DAB2: variants seen among roughly 807,000 people sequenced by gnomAD.
DAB2 encodes DAB adaptor protein 2.
DAB2 carries 28 observed loss-of-function variants against 71.6 expected under a neutral mutation model. That is an observed-to-expected ratio of 0.39 (90% CI 0.29 to 0.54). DAB2 has a LOEUF of 0.54. DAB2 is among the 20% of genes least tolerant of loss of function. DAB2 has a pLI of 0.68. For synonymous variants in DAB2, 345 were observed against 339.7 expected, an observed-to-expected ratio of 1.02 and a Z score of -0.17; for missense variants, 867 against 928.8, an observed-to-expected ratio of 0.93 and a Z score of 0.86.
Position 39,376,981 on chromosome 5 carries a change from A to C in DAB2, c.1806T>G (p.Pro602=). Residue 602 remains proline, a synonymous_variant, in exon 12 of 15, where the codon CCT becomes CCG. Coordinates refer to ENST00000320816, the MANE Select transcript of DAB2 (RefSeq NM_001343.4). ...NPFQSNIFPA[P]AVSTQPPSMH... is the part of the protein sequence containing the mutation. ...TGGATGGGGGCTGAGTGGACACAGC[A>C]GGAGCTGGAAAAATATTGCTCTGAA... 1 of 1,614,106 alleles carries C rather than the reference A, an allele frequency of 6.2e-7. No individual in the cohort carries two copies.
At chr5:39,400,577 A>G (rs2112078252) in intron 1 of DAB2, among the ~76,000 whole-genome samples, 1 of 152,312 alleles carries the variant, frequency 6.6e-6, no homozygotes, top group Non-Finnish European at 1.5e-5. Context: ...ACAGCAACAG[A>G]AAATCAATCC....
intron 9 of DAB2, among the ~76,000 whole-genome samples, chr5:39,384,232 G>A (rs889696967): frequency 2.6e-5 from 4 of 152,170 alleles, no homozygotes; most frequent in Non-Finnish European, 5.9e-5. Context: ...GGCCCACAGT[G>A]GATGTCTGAA....
chr5:39,383,855 C>T (rs191554653), intron 9 of DAB2, among the ~76,000 whole-genome samples: 97 of 152,256 alleles, frequency 6.4e-4, no homozygotes, highest in African/African-American at 2.2e-3. Context: ...TCCCTAAAAT[C>T]GGTCCAGTTC....
chr5:39,392,191 T>C, intron 4 of DAB2, 174 bp downstream of exon 4: 1 of 625,962 alleles, frequency 1.6e-6, no homozygotes, highest in Non-Finnish European at 2.9e-6. Flanking sequence ...AAATCAAGTA[T>C]CTTGACTTTT....
chr5:39,410,770 T>C (rs530293154), intron 1 of DAB2, among the ~76,000 whole-genome samples: 1 of 151,148 alleles, frequency 6.6e-6, no homozygotes, highest in African/African-American at 2.4e-5. Context: ...GTTTGGTTTA[T>C]GTTAATGTTG....
chr5:39,382,765 A>T lies in DAB2; in HGVS notation c.1194T>A (p.Phe398Leu). 6.2e-7 allele frequency: 1 copy of T among 1,614,170 alleles called. No homozygotes were observed. The highest frequency in any genetic ancestry group is 8.5e-7 in the Non-Finnish European group (1 of 1,180,028). Residue 398 changes from phenylalanine to leucine, a missense_variant, in exon 10 of 15, where the codon TTT becomes TTA. By Grantham distance (22) the Phe-to-Leu change is conservative. This residue lies in a region of DAB2 where 740 missense variants were observed against 734.3 expected (regional missense o/e 1.01). Transcript: ENST00000320816. ...GFSVKSSPNP[F>L]VGSPPKGLSI... ...ACAGTCCTTTGGGAGGGCTTCCCACAAAAGGGTTCGGGGAGGATTTGACAG... is the reference window on the plus strand; with the variant it reads ...ACAGTCCTTTGGGAGGGCTTCCCACTAAAGGGTTCGGGGAGGATTTGACAG...
Position 39,373,215 on chromosome 5 carries a change from T to C in DAB2, c.*216A>G, listed in dbSNP as rs928927261. The C allele has an allele frequency of 1.3e-5, 2 of 152,406 alleles. No homozygotes were observed. Among genetic ancestry groups the C allele is most frequent in the Admixed American group, 1.3e-4 (2 of 15,250 alleles). 9.4% of individuals were successfully genotyped at this position (152,406 alleles called of 1,614,324 possible). A position where few individuals can be genotyped will look rare whatever the true frequency, so the allele number is the denominator to read the frequency against. ...TAAGCTAGAGAGTTTAGGATCTTAA[T>C]TTATTTAAAGCCATAGATTCAGTTT... On this transcript the variant is annotated 3_prime_UTR_variant, in exon 15 of 15. Transcript: ENST00000320816.
chr5:39,383,072 C>G lies in DAB2; in HGVS notation c.887G>C (p.Arg296Pro). The G allele has an allele frequency of 3.7e-6, 6 of 1,613,910 alleles. No individual in the cohort carries two copies. The highest frequency in any genetic ancestry group is 5.1e-6 in the Non-Finnish European group (6 of 1,179,978). Residue 296 changes from arginine (R) to proline (P), a missense_variant, in exon 10 of 15, where the codon CGT becomes CCT. By Grantham distance (103) the Arg-to-Pro change is moderately radical. Around this residue, in one of 2 missense-constraint regions of DAB2, gnomAD observed 740 missense variants for 734.3 expected, o/e 1.01. Transcript: ENST00000320816. ...FFPTPNPDPF[R>P]DDPFTQPDQS... ...GTCTGGCTGTGTGAAAGGATCGTCACGGAAAGGATCAGGATTAGGGGTGGG... is the reference window on the plus strand; with the variant it reads ...GTCTGGCTGTGTGAAAGGATCGTCAGGGAAAGGATCAGGATTAGGGGTGGG...
At position 39,422,115 on chromosome 5, in the gene DAB2, A is replaced by G. The variant is rs1475573092; in HGVS notation, c.-102+2689T>C. Among the ~76,000 whole-genome samples, 1 of 152,098 alleles carries G rather than the reference A, an allele frequency of 6.6e-6. No homozygotes were observed. The highest frequency in any genetic ancestry group is 2.4e-5 in the African/African-American group (1 of 41,412). On this transcript the variant is annotated intron_variant, in intron 1 of 14. Transcript: ENST00000320816. The surrounding 1 kb of genome is among the most constrained non-coding windows in gnomAD (Gnocchi z 4.1). ...AAACAAAAATCTGTTTCACCTAAAT[A>G]TGATTTTGGCCAACCTTTGTGCAAT...
intron 1 of DAB2, among the ~76,000 whole-genome samples, chr5:39,406,613 C>T (rs1049259498): frequency 6.6e-6 from 1 of 152,052 alleles, no homozygotes; most frequent in African/African-American, 2.4e-5. Context: ...AGAACATATA[C>T]CAAGAAAGCA....
intron 9 of DAB2, among the ~76,000 whole-genome samples, chr5:39,386,230 G>A (rs1195247998): frequency 6.6e-6 from 1 of 152,180 alleles, no homozygotes; most frequent in African/African-American, 2.4e-5. Context: ...TTCTGTTCTA[G>A]GGGATACCAC....
intron 9 of DAB2, 131 bp downstream of exon 9, chr5:39,388,174 T>C (rs1232958615): frequency 1.0e-5 from 7 of 684,894 alleles, no homozygotes; most frequent in African/African-American, 5.4e-5. Context: ...CTAAAAACCA[T>C]TGACACTTCA....
chr5:39,394,107 A>C, intron 2 of DAB2, 123 bp downstream of exon 2: 1 of 744,272 alleles, frequency 1.3e-6, no homozygotes, highest in South Asian at 1.8e-5. Context: ...TTAGGAGAAC[A>C]TGAGACTAAG....
intron 9 of DAB2, among the ~76,000 whole-genome samples, chr5:39,387,325 C>T (rs1291910482): frequency 5.9e-5 from 9 of 152,128 alleles, no homozygotes; most frequent in African/African-American, 1.9e-4. Flanking sequence ...TTATTCTAGA[C>T]TAATTCTCTT....
chr5:39,377,322 C>T lies in DAB2; in HGVS notation c.1505-40G>A, dbSNP rs764358353. The T allele has an allele frequency of 3.2e-5, 50 of 1,565,832 alleles. No homozygotes were observed. In the Admixed American group the frequency reaches 5.4e-4, roughly 17 times the overall value. Reference sequence around the variant, plus strand: ...AGAAAAATACTTATCAGGAGTCAAGCTTGAAGAAGATTCTTGAATTTCAGA... The same window carrying T: ...AGAAAAATACTTATCAGGAGTCAAGTTTGAAGAAGATTCTTGAATTTCAGA... On this transcript the variant is annotated intron_variant, in intron 11 of 14. Transcript: ENST00000320816.
At chr5:39,390,363 T>G in intron 5 of DAB2, 81 bp downstream of exon 5, 1 of 1,481,432 alleles carries the variant, frequency 6.8e-7, no homozygotes, top group African/African-American at 1.4e-5. Context: ...TTATTTCCAG[T>G]AAATCTTTTA....
chr5:39,421,449 G>A (rs1408247732), intron 1 of DAB2, among the ~76,000 whole-genome samples: 1 of 152,130 alleles, frequency 6.6e-6, no homozygotes, highest in Non-Finnish European at 1.5e-5. Flanking sequence ...GTACAGAGAG[G>A]TTATGGAATG....
intron 9 of DAB2, among the ~76,000 whole-genome samples, chr5:39,384,533 G>T (rs1327866033): frequency 6.6e-6 from 1 of 152,144 alleles, no homozygotes; most frequent in Non-Finnish European, 1.5e-5. Context: ...AGAGACATGG[G>T]TTTAAGAGTT....
chr5:39,389,766 C>A (rs1755179786), intron 6 of DAB2, 86 bp downstream of exon 6: 3 of 730,906 alleles, frequency 4.1e-6, no homozygotes, highest in Non-Finnish European at 6.8e-6. Flanking sequence ...CCCACCTCTG[C>A]CTCCCGAAGT....
Sources: allele counts gnomAD v4.1 joint callset (sites outside exome capture counted in the v4.1 genomes callset), GRCh38; gene constraint gnomAD v4.1.1; regional missense constraint gnomAD v4.1.1; non-coding constraint Gnocchi (gnomAD v3.1); transcripts MANE v1.5; gene names NCBI Gene and HGNC (gene_info 2026-07-23, HGNC 2026-07-21).